Variants in CYP7B1 observed in about 807,000 individuals in gnomAD.
CYP7B1 encodes the protein cytochrome P450 family 7 subfamily B member 1, also known as cytochrome P450 7B1.
In CYP7B1, 29 loss-of-function variants were observed where a neutral mutation model predicts 42.7. The observed-to-expected ratio is 0.68, with a 90% CI of 0.51 to 0.93. The LOEUF is 0.93. Among genes scored for constraint, CYP7B1 ranks in the 40% least tolerant of loss-of-function variants. CYP7B1 has a pLI of 0.00. For synonymous variants in CYP7B1, 235 were observed against 218.2 expected (o/e 1.08, Z -0.68); for missense variants, 655 against 600.5 (o/e 1.09, Z -0.95).
chr8:64,704,454 A>G (rs1302646017), intron 1 of CYP7B1, among the ~76,000 whole-genome samples: 1 of 152,108 alleles, frequency 6.6e-6, no homozygotes, highest in Non-Finnish European at 1.5e-5. Flanking sequence ...GTGTAGCATT[A>G]TATGTGTTTT....
At chr8:64,792,974 T>C (rs1804645188) in intron 1 of CYP7B1, among the ~76,000 whole-genome samples, 1 of 152,184 alleles carries the variant, frequency 6.6e-6, no homozygotes, top group African/African-American at 2.4e-5. Context: ...TATCCTAAAC[T>C]ACCTATGTGG....
intron 1 of CYP7B1, among the ~76,000 whole-genome samples, chr8:64,774,774 T>C (rs1348934364): frequency 1.3e-5 from 2 of 152,168 alleles, no homozygotes; most frequent in African/African-American, 2.4e-5. Context: ...GCATATCTGC[T>C]TTCCTTCAAG....
At chr8:64,734,582 C>G (rs1311596373) in intron 1 of CYP7B1, 2 of 152,148 alleles carry the variant, frequency 1.3e-5, no homozygotes, top group African/African-American at 2.4e-5. Context: ...AATGCTGTTG[C>G]ATTGGTGATT....
intron 1 of CYP7B1, among the ~76,000 whole-genome samples, chr8:64,661,007 T>A (rs1192301555): frequency 6.6e-6 from 1 of 152,236 alleles, no homozygotes; most frequent in Non-Finnish European, 1.5e-5. Context: ...GAAAAAACTT[T>A]GAAATTTTCT....
At chr8:64,657,699 A>G (rs1806142229) in intron 1 of CYP7B1, among the ~76,000 whole-genome samples, 1 of 152,228 alleles carries the variant, frequency 6.6e-6, no homozygotes, top group Non-Finnish European at 1.5e-5. Flanking sequence ...GATAAACAAA[A>G]CATCACCTGT....
chr8:64,614,944 C>T lies in CYP7B1; in HGVS notation c.1057+82G>A, dbSNP rs1805411015. The T allele has an allele frequency of 1.0e-5, 14 of 1,368,100 alleles. No homozygotes were observed. In the East Asian group the frequency reaches 3.0e-4, roughly 30 times the overall value. The allele number at this position is 1,368,100 out of a possible 1,614,324, so 84.7% of individuals were successfully genotyped here. On this transcript the variant is annotated intron_variant, in intron 4 of 5. Coordinates refer to ENST00000310193, the MANE Select transcript of CYP7B1 (RefSeq NM_004820.5). ...TCAATTAGGCAGCTGTGTCCTCTAC[C>T]TCTTGGTAAACAGCTATGAGTGATA...
intron 1 of CYP7B1, among the ~76,000 whole-genome samples, chr8:64,698,968 T>C (rs1040887108): frequency 2.0e-5 from 3 of 152,184 alleles, no homozygotes; most frequent in African/African-American, 7.2e-5. Flanking sequence ...AGATGCCCTC[T>C]AATCATAGGT....
intron 4 of CYP7B1, among the ~76,000 whole-genome samples, chr8:64,611,982 T>C (rs1805370274): frequency 6.6e-6 from 1 of 152,158 alleles, no homozygotes; most frequent in African/African-American, 2.4e-5. Flanking sequence ...CCGTGTACCA[T>C]TATACTAAGT....
intron 1 of CYP7B1, among the ~76,000 whole-genome samples, chr8:64,788,033 G>C (rs889686483): frequency 6.6e-6 from 1 of 152,096 alleles, no homozygotes; most frequent in African/African-American, 2.4e-5. Flanking sequence ...CTTCCCACTG[G>C]GTTCTTCTCA....
At chr8:64,723,923 T>C (rs1056960900) in intron 1 of CYP7B1, among the ~76,000 whole-genome samples, 2 of 152,144 alleles carry the variant, frequency 1.3e-5, no homozygotes, top group African/African-American at 2.4e-5. Flanking sequence ...TTTCATGATA[T>C]ACTCTTAAAT....
At chr8:64,686,340 G>T (rs1423292678) in intron 1 of CYP7B1, among the ~76,000 whole-genome samples, 4 of 27,254 alleles carry the variant, frequency 1.5e-4, no homozygotes, top group African/African-American at 4.6e-4. Flanking sequence ...GCCTCTGCCC[G>T]GCCGCCCCTA....
At chr8:64,620,612 C>T (rs1457371410) in intron 2 of CYP7B1, among the ~76,000 whole-genome samples, 1 of 152,198 alleles carries the variant, frequency 6.6e-6, no homozygotes, top group East Asian at 1.9e-4. Context: ...CATGCAAGAA[C>T]ATATACTCAG....
Position 64,626,697 on chromosome 8 carries a change from A to G in CYP7B1, c.123-2158T>C, listed in dbSNP as rs1304568038. 2.6e-5 allele frequency among the ~76,000 whole-genome samples: 4 copies of G among 152,328 alleles called. No individual in the cohort carries two copies. In the East Asian group the frequency reaches 5.8e-4, roughly 22 times the overall value. On this transcript the variant is annotated intron_variant, in intron 1 of 5. Coordinates refer to ENST00000310193, the MANE Select transcript of CYP7B1 (RefSeq NM_004820.5). ...CCTAGTTATTTATTTGGTGAACTCA[A>G]TCTGATTTAAAGTAAAAAAGGTAAA...
intron 1 of CYP7B1, among the ~76,000 whole-genome samples, chr8:64,750,700 C>T (rs1404526407): frequency 6.6e-6 from 1 of 152,178 alleles, no homozygotes; most frequent in African/African-American, 2.4e-5. Flanking sequence ...GTCCCTGGGA[C>T]TGCTGATCAG....
chr8:64,588,464 G>T (rs1158815298), downstream of CYP7B1, among the ~76,000 whole-genome samples: 2 of 152,190 alleles, frequency 1.3e-5, no homozygotes, highest in Non-Finnish European at 2.9e-5. Context: ...TAGGAGGATG[G>T]TTGCATCTCA....
chr8:64,596,661 C>G lies in CYP7B1; in HGVS notation c.1502G>C (p.Arg501Thr). ...IQYPDSDVLF[R>T]YKVKS ...GCTTCTCTAAGATTTCACTTTGTAT[C>G]TAAATAAAACATCAGAATCTGGATA... Residue 501 changes from arginine (R) to threonine (T), a missense_variant, in exon 6 of 6, where the codon AGA becomes ACA. Arg to Thr is a moderately conservative substitution (Grantham distance 71). Transcript: ENST00000310193. The G allele has an allele frequency of 6.2e-7, 1 of 1,612,610 alleles. No individual in the cohort carries two copies. Among genetic ancestry groups the G allele is most frequent in the South Asian group, 1.1e-5 (1 of 90,794 alleles).
At chr8:64,614,680 C>T (rs1396234784) in intron 4 of CYP7B1, among the ~76,000 whole-genome samples, 1 of 152,148 alleles carries the variant, frequency 6.6e-6, no homozygotes, top group Non-Finnish European at 1.5e-5. Flanking sequence ...TTTTCAATCC[C>T]TAAATACTTC....
At chr8:64,726,828 C>T (rs193030454) in intron 1 of CYP7B1, among the ~76,000 whole-genome samples, 18 of 152,218 alleles carry the variant, frequency 1.2e-4, no homozygotes, top group Non-Finnish European at 2.2e-4. Flanking sequence ...ATGCACCCCA[C>T]CCCGATTTTG....
chr8:64,685,016 G>T (rs1221828437), intron 1 of CYP7B1, among the ~76,000 whole-genome samples: 1 of 152,210 alleles, frequency 6.6e-6, no homozygotes, highest in Non-Finnish European at 1.5e-5. Flanking sequence ...CAGTCTGCCA[G>T]ATCCTCAAAA....
Sources: allele counts gnomAD v4.1 joint callset (sites outside exome capture counted in the v4.1 genomes callset), GRCh38; gene constraint gnomAD v4.1.1; transcripts MANE v1.5; gene names NCBI Gene and HGNC (gene_info 2026-07-23, HGNC 2026-07-21).